Variants in PHAF1 observed in about 807,000 individuals in gnomAD.
The protein encoded by PHAF1 is phagosome assembly factor 1.
PHAF1 carries 23 observed loss-of-function variants against 63.1 expected under a neutral mutation model. The observed-to-expected ratio is 0.36, with a 90% CI of 0.26 to 0.52. PHAF1 has a LOEUF of 0.52. PHAF1 is among the 20% of genes least tolerant of loss of function. The pLI, the probability that PHAF1 is intolerant of heterozygous loss-of-function variation, is 0.93. For missense variants in PHAF1, 427 were observed against 517.2 expected (o/e 0.83, Z 1.69); for synonymous variants, 167 against 185.0 (o/e 0.90, Z 0.79).
At chr16:67,111,645 C>CA (rs1347623117) in intron 1 of PHAF1, among the ~76,000 whole-genome samples, 2 of 152,168 alleles carry the variant, frequency 1.3e-5, no homozygotes, top group African/African-American at 4.8e-5. Flanking sequence ...TGTTTTAAGA[C>CA]AGAGTCACTC....
At chr16:67,124,435 G>A (rs1963102844) in intron 2 of PHAF1, among the ~76,000 whole-genome samples, 1 of 152,226 alleles carries the variant, frequency 6.6e-6, no homozygotes, top group Non-Finnish European at 1.5e-5. Flanking sequence ...TGGGTTGGAA[G>A]GAAGCAACCT....
At position 67,134,349 on chromosome 16, in the gene PHAF1, C is replaced by G. The variant is rs1963530509; in HGVS notation, c.549-6C>G. ...AAGCCTCTGCTCATTCTGTGTCTGT[C>G]CCCAGGGCTCCCATGATGCCTCTGA... is the stretch of plus-strand genomic sequence containing the variant. On this transcript the variant is annotated splice_polypyrimidine_tract_variant and splice_region_variant and intron_variant, in intron 7 of 15. Coordinates refer to ENST00000219139, the MANE Select transcript of PHAF1 (RefSeq NM_025187.5). 1 of 1,611,296 alleles carries G rather than the reference C, an allele frequency of 6.2e-7. No individual in the cohort carries two copies. The highest frequency in any genetic ancestry group is 2.2e-5 in the East Asian group (1 of 44,860).
At chr16:67,145,269 A>T in intron 12 of PHAF1, 107 bp from the exon 13 acceptor site, 1 of 1,269,592 alleles carries the variant, frequency 7.9e-7, no homozygotes, top group Non-Finnish European at 1.1e-6. Context: ...CTCCCCATGT[A>T]CTCCAACCCC....
intron 8 of PHAF1, among the ~76,000 whole-genome samples, chr16:67,138,510 T>C (rs1050049949): frequency 2.6e-5 from 4 of 152,056 alleles, no homozygotes; most frequent in African/African-American, 9.7e-5. Context: ...GATTCTTGGC[T>C]TCCTTTTTTT....
Position 67,132,810 on chromosome 16 carries a change from C to A in PHAF1, c.356-7C>A, listed in dbSNP as rs201455515. Reference sequence around the variant, plus strand: ...CATGTTATTTTCTTCTCCCCCACCCCCAACAGTGTACAACTCCGCTGAGCA... The same window carrying A: ...CATGTTATTTTCTTCTCCCCCACCCACAACAGTGTACAACTCCGCTGAGCA... On this transcript the variant is annotated splice_polypyrimidine_tract_variant and splice_region_variant and intron_variant, in intron 5 of 15. Coordinates refer to ENST00000219139, the MANE Select transcript of PHAF1 (RefSeq NM_025187.5). 612 of 1,605,900 alleles carry A rather than the reference C, an allele frequency of 3.8e-4. 6 individuals carry two copies. The South Asian group carries it at 6.5e-3, about 17-fold the overall frequency.
intron 10 of PHAF1, 56 bp downstream of exon 10, chr16:67,140,650 CTT>C (rs1164473780): frequency 7.8e-7 from 1 of 1,274,320 alleles, no homozygotes; most frequent in Non-Finnish European, 1.1e-6. Context: ...GGCAGTGCAT[CTT>C]TGCAGATCTG....
intron 3 of PHAF1, among the ~76,000 whole-genome samples, chr16:67,128,019 CATATG>C: frequency 1.3e-5 from 2 of 152,244 alleles, no homozygotes; most frequent in African/African-American, 4.8e-5. Context: ...AAGACAATGT[CATATG>C]TTTAGTGAGT....
chr16:67,110,365 C>T, intron 1 of PHAF1, 126 bp downstream of exon 1: 1 of 1,054,872 alleles, frequency 9.5e-7, no homozygotes. Flanking sequence ...GTCCTCTCGG[C>T]TCGCTGGGCT....
intron 11 of PHAF1, 35 bp from the exon 12 acceptor site, chr16:67,144,799 G>A (rs774889156): frequency 6.2e-7 from 1 of 1,610,208 alleles, no homozygotes; most frequent in South Asian, 1.1e-5. Context: ...GGCCTTCTAG[G>A]AGGCCCAGCC....
At chr16:67,129,039 A>C (rs1963294798) in intron 3 of PHAF1, among the ~76,000 whole-genome samples, 1 of 152,198 alleles carries the variant, frequency 6.6e-6, no homozygotes, top group Non-Finnish European at 1.5e-5. Flanking sequence ...TGTGCCTGCT[A>C]TGAACAGGAG....
intron 1 of PHAF1, among the ~76,000 whole-genome samples, chr16:67,116,678 A>C (rs757015489): frequency 4.6e-5 from 7 of 152,194 alleles, no homozygotes; most frequent in Non-Finnish European, 1.0e-4. Flanking sequence ...AGTGAGACCT[A>C]GTCTCTACCA....
chr16:67,136,335 C>T (rs1457726752), intron 8 of PHAF1: 1 of 151,738 alleles, frequency 6.6e-6, no homozygotes, highest in Non-Finnish European at 1.5e-5. Context: ...GTGCCACCTT[C>T]AGTAGCTGGT....
intron 3 of PHAF1, among the ~76,000 whole-genome samples, chr16:67,129,094 G>A (rs1040411745): frequency 9.2e-5 from 14 of 152,176 alleles, no homozygotes; most frequent in South Asian, 2.1e-4. Flanking sequence ...CAAGGCTCTG[G>A]CCTCAGTGAA....
chr16:67,146,233 C>G, intron 14 of PHAF1, 45 bp from the exon 15 acceptor site: 2 of 1,550,426 alleles, frequency 1.3e-6, no homozygotes, highest in Non-Finnish European at 1.8e-6. Flanking sequence ...GCTTTAAGGC[C>G]GTGGCCTCTG....
At chr16:67,144,400 C>T (rs1215641586) in intron 11 of PHAF1, 24 bp downstream of exon 11, 2 of 1,542,046 alleles carry the variant, frequency 1.3e-6, no homozygotes, top group Non-Finnish European at 1.8e-6. Flanking sequence ...TCTGTACCTC[C>T]CCTCTGTGAA....
intron 10 of PHAF1, among the ~76,000 whole-genome samples, chr16:67,141,553 C>T (rs887025576): frequency 2.0e-5 from 3 of 152,252 alleles, no homozygotes; most frequent in Non-Finnish European, 4.4e-5. Flanking sequence ...GATCCCATGC[C>T]TGCCAAGGGC....
chr16:67,118,792 T>TTTTTTA (rs1962857994), intron 1 of PHAF1, among the ~76,000 whole-genome samples: 1 of 135,184 alleles, frequency 7.4e-6, no homozygotes. Flanking sequence ...TTTTTTTTTT[T>TTTTTTA]GAGATAGGGT....
intron 2 of PHAF1, among the ~76,000 whole-genome samples, chr16:67,121,492 G>A (rs367893938): frequency 7.3e-5 from 11 of 150,742 alleles, no homozygotes; most frequent in Admixed American, 3.3e-4. Flanking sequence ...GTGAGCCACC[G>A]TGCCTGGCCA....
intron 1 of PHAF1, among the ~76,000 whole-genome samples, chr16:67,118,767 T>C (rs1962855057): frequency 1.1e-5 from 1 of 88,708 alleles, no homozygotes; most frequent in Non-Finnish European, 2.0e-5. Context: ...GATCTTAAAC[T>C]TTTTTTTTTT....
Sources: allele counts gnomAD v4.1 joint callset (sites outside exome capture counted in the v4.1 genomes callset), GRCh38; gene constraint gnomAD v4.1.1; transcripts MANE v1.5; gene names NCBI Gene and HGNC (gene_info 2026-07-23, HGNC 2026-07-21).